The following MAP1B variants were observed in gnomAD, a reference collection of about 807,000 sequenced individuals.
The protein encoded by MAP1B is microtubule associated protein 1B.
MAP1B carries 12 observed loss-of-function variants against 176.1 expected under a neutral mutation model. The ratio of observed to expected loss-of-function variants is 0.07; its 90% confidence interval spans 0.04 to 0.11. The LOEUF (loss-of-function observed/expected upper bound fraction) is 0.11. Ranked by LOEUF, MAP1B falls within the 10% of genes least tolerant of loss-of-function variation. The pLI is 1.00. For missense variants in MAP1B, 2,523 were observed against 2,990.5 expected, an observed-to-expected ratio of 0.84 and a Z score of 3.65; for synonymous variants, 1,044 against 1,135.0, an observed-to-expected ratio of 0.92 and a Z score of 1.61.
rs569139015 is a variant in MAP1B, at chr5:72,157,959, C to T, written c.287-25784C>T. On this transcript the variant is annotated intron_variant, in intron 2 of 6. Coordinates refer to ENST00000296755, the MANE Select transcript of MAP1B (RefSeq NM_005909.5). ...GGTCCAAGCGATTCTCCTGCCTCAG[C>T]CTCCCAAGTAGCTGGGATTACAGGC... Among the ~76,000 whole-genome samples the T allele has an allele frequency of 5.9e-5, 9 of 151,984 alleles. No individual in the cohort carries two copies. The East Asian group carries it at 1.7e-3, about 29-fold the overall frequency.
chr5:72,197,751 G>T lies in MAP1B; in HGVS notation c.4396G>T (p.Ala1466Ser), dbSNP rs1360082564. The change falls in exon 5 of 7, where the codon GCA becomes TCA. Residue 1466 changes from alanine (A) to serine (S), a missense_variant. Coordinates refer to ENST00000296755, the MANE Select transcript of MAP1B (RefSeq NM_005909.5). ...DKQEGKSTDF[A>S]PIKEDFGQEK... ...ACAGGAAGGGAAAAGCACAGACTTT[G>T]CACCAATAAAAGAAGACTTTGGCCA... is the stretch of plus-strand genomic sequence containing the variant. 1 of 1,614,186 alleles carries T rather than the reference G, an allele frequency of 6.2e-7. No individual in the cohort carries two copies.
intron 2 of MAP1B, among the ~76,000 whole-genome samples, chr5:72,163,925 T>TC (rs763426850): frequency 0.15 from 15,157 of 98,230 alleles, 1,996 homozygotes; most frequent in African/African-American, 0.4. Context: ...TCTTTTTTTT[T>TC]TTTTCTTTTT....
At chr5:72,119,183 T>G (rs1431186707) in intron 2 of MAP1B, among the ~76,000 whole-genome samples, 1 of 152,206 alleles carries the variant, frequency 6.6e-6, no homozygotes, top group Non-Finnish European at 1.5e-5. Flanking sequence ...AGTTCTGTGA[T>G]CTTTAAGCTC....
At chr5:72,134,664 A>G (rs866765233) in intron 2 of MAP1B, among the ~76,000 whole-genome samples, 5 of 151,852 alleles carry the variant, frequency 3.3e-5, no homozygotes, top group East Asian at 1.9e-4. Flanking sequence ...GTGGCACTCT[A>G]TCAATTAGTG....
At chr5:72,109,076 A>G (rs1335457790) in intron 1 of MAP1B, among the ~76,000 whole-genome samples, 1 of 152,232 alleles carries the variant, frequency 6.6e-6, no homozygotes, top group African/African-American at 2.4e-5. Context: ...AAGACGAAAG[A>G]AAAACCTTGT....
At chr5:72,120,641 T>A (rs1745511213) in intron 2 of MAP1B, among the ~76,000 whole-genome samples, 1 of 152,000 alleles carries the variant, frequency 6.6e-6, no homozygotes, top group African/African-American at 2.4e-5. Context: ...TTAGCCAGGA[T>A]GGTCTCGATC....
In MAP1B at chr5:72,196,898, A is replaced by G. The variant is rs1747185608; in HGVS notation, c.3543A>G (p.Thr1181=). The change falls in exon 5 of 7, where the codon ACA becomes ACG. Residue 1181 remains threonine, a synonymous_variant. Coordinates refer to ENST00000296755, the MANE Select transcript of MAP1B (RefSeq NM_005909.5). The surrounding 1 kb of genome is among the most constrained non-coding windows in gnomAD (Gnocchi z 5.3). ...SQEYSKPADV[T]PLNGFSEGSK... The stretch of plus-strand genomic sequence containing the variant: ...AATACTCTAAACCTGCTGATGTTAC[A>G]CCGCTCAACGGATTTTCTGAAGGAT... The G allele has an allele frequency of 1.9e-6, 3 of 1,614,198 alleles. No individual in the cohort carries two copies. The highest frequency in any genetic ancestry group is 2.5e-6 in the Non-Finnish European group (3 of 1,180,034).
chr5:72,145,707 C>T (rs190615955), intron 2 of MAP1B, among the ~76,000 whole-genome samples: 2 of 152,270 alleles, frequency 1.3e-5, no homozygotes, highest in Admixed American at 6.5e-5. Flanking sequence ...CCTTAAGGCC[C>T]CATACAATGA....
chr5:72,176,246 C>T (rs964096473), intron 2 of MAP1B, among the ~76,000 whole-genome samples: 2 of 152,194 alleles, frequency 1.3e-5, no homozygotes, highest in African/African-American at 4.8e-5. Flanking sequence ...ATTCAGCAGG[C>T]GTTGGCTGAC....
chr5:72,194,577 C>A lies in MAP1B; in HGVS notation c.1222C>A (p.Pro408Thr), dbSNP rs1200190830. Residue 408 changes from proline to threonine, a missense_variant, in exon 5 of 7, where the codon CCT becomes ACT. By Grantham distance (38) the Pro-to-Thr change is conservative. Coordinates refer to ENST00000296755, the MANE Select transcript of MAP1B (RefSeq NM_005909.5). This position sits in a 1 kb window ranked among gnomAD's most constrained non-coding sequence, Gnocchi z 7.2. ...TAGAAGTGTAGGCAATACTATTGAT[C>A]CTGTCATTCTTTTCCAAAAAATGGG... is the stretch of plus-strand genomic sequence containing the variant. The part of the protein sequence containing the change: ...LFRSVGNTID[P>T]VILFQKMGVG... 3 of 1,613,936 alleles carry A rather than the reference C, an allele frequency of 1.9e-6. No homozygotes were observed. The highest frequency in any genetic ancestry group is 2.5e-6 in the Non-Finnish European group (3 of 1,180,050).
Position 72,203,630 on chromosome 5 carries a change from G to C in MAP1B, c.7080G>C (p.Leu2360=). The C allele has an allele frequency of 6.2e-7, 1 of 1,614,208 alleles. No homozygotes were observed. The highest frequency in any genetic ancestry group is 2.2e-5 in the East Asian group (1 of 44,880). The part of the protein sequence containing the change: ...VPPGLPVYLD[L]CYIPNHSNSK... ...CAGGCCTCCCTGTGTATTTGGACCT[G>C]TGCTACATTCCTAACCACAGCAATA... is the stretch of plus-strand genomic sequence containing the variant. The change falls in exon 6 of 7, where the codon CTG becomes CTC. Residue 2360 remains leucine (L), a synonymous_variant. Coordinates refer to ENST00000296755, the MANE Select transcript of MAP1B (RefSeq NM_005909.5).
At chr5:72,124,429 A>C (rs1160549636) in intron 2 of MAP1B, among the ~76,000 whole-genome samples, 2 of 152,266 alleles carry the variant, frequency 1.3e-5, no homozygotes, top group Non-Finnish European at 2.9e-5. Flanking sequence ...ATGCTTATAG[A>C]AAATGCAACA....
At position 72,120,424 on chromosome 5, in the gene MAP1B, TC is replaced by T. The variant is rs1225171769; in HGVS notation, c.286+4626del. Among the ~76,000 whole-genome samples the T allele has an allele frequency of 6.0e-5, 9 of 149,706 alleles. No individual in the cohort carries two copies. In the East Asian group the frequency reaches 1.8e-3, roughly 30 times the overall value. ...GATCAGTTCCACCTCATAGTTTCTT[TC>T]TTTTTTTTTTTTTTTTTGAGATAGA... On this transcript the variant is annotated intron_variant, in intron 2 of 6. Transcript: ENST00000296755.
At chr5:72,161,956 C>CAAAAAAAAAAAAAAAAAAAAA (rs4043357) in intron 2 of MAP1B, among the ~76,000 whole-genome samples, 1 of 85,022 alleles carries the variant, frequency 1.2e-5, no homozygotes, top group East Asian at 3.1e-4. Flanking sequence ...AATTCCGTCT[C>CAAAAAAAAAAAAAAAAAAAAA]AAAAAAAAAA....
rs116262975 is a variant in MAP1B, at chr5:72,159,985, G to A, written c.287-23758G>A. On this transcript the variant is annotated intron_variant, in intron 2 of 6. Coordinates refer to ENST00000296755, the MANE Select transcript of MAP1B (RefSeq NM_005909.5). ...TCTCTATGCCTTGTCTTCCTCCAGC[G>A]TCTTGTAGAGCTAAAATGTGATGAC... is the stretch of plus-strand genomic sequence containing the variant. Among the ~76,000 whole-genome samples the A allele has an allele frequency of 6.6e-3, 1,003 of 152,264 alleles. 8 individuals carry two copies. Among genetic ancestry groups the A allele is most frequent in the African/African-American group, 0.022 (919 of 41,530 alleles).
chr5:72,200,715 C>T (rs891234517), intron 5 of MAP1B, among the ~76,000 whole-genome samples: 2 of 152,118 alleles, frequency 1.3e-5, no homozygotes, highest in African/African-American at 4.8e-5. Context: ...CCATACTGGC[C>T]TCAGAATCCA....
rs146554740 is a variant in MAP1B at position 72,196,679 on chromosome 5, C to T, written c.3324C>T (p.Asp1108=). The T allele has an allele frequency of 9.1e-4, 1,476 of 1,614,072 alleles. No individual in the cohort carries two copies. Among genetic ancestry groups the T allele is most frequent in the Non-Finnish European group, 1.2e-3 (1,367 of 1,180,018 alleles). Residue 1108 remains aspartate (D), a synonymous_variant, in exon 5 of 7, where the codon GAC becomes GAT. Transcript: ENST00000296755. This position sits in a 1 kb window ranked among gnomAD's most constrained non-coding sequence, Gnocchi z 5.3. Reference sequence around the variant, plus strand: ...CTTCTGATGAGGAGAATCGAGAAGACCAGCCTGAGGAATTCACTGCCACCT... The same window carrying T: ...CTTCTGATGAGGAGAATCGAGAAGATCAGCCTGAGGAATTCACTGCCACCT... ...ATASDEENRE[D]QPEEFTATSG...
In MAP1B at chr5:72,204,286, C is replaced by T. The variant is rs1747395826; in HGVS notation, c.7251+485C>T. 6.6e-6 allele frequency among the ~76,000 whole-genome samples: 1 copy of T among 152,198 alleles called. No homozygotes were observed. The highest frequency in any genetic ancestry group is 6.5e-5 in the Admixed American group (1 of 15,288). The stretch of plus-strand genomic sequence containing the variant: ...GCTGAATATAGTCCCTCACAGGACA[C>T]TCCCAACTCCCAAACATCATGCCTG... On this transcript the variant is annotated intron_variant, in intron 6 of 6. Transcript: ENST00000296755. The surrounding 1 kb of genome is among the most constrained non-coding windows in gnomAD (Gnocchi z 4.4).
intron 2 of MAP1B, among the ~76,000 whole-genome samples, chr5:72,163,095 G>A (rs1218624548): frequency 6.6e-6 from 1 of 152,000 alleles, no homozygotes; most frequent in Non-Finnish European, 1.5e-5. Flanking sequence ...GGGCATGGTG[G>A]TGCGTGCCTA....
Sources: gnomAD v4.1 joint callset for allele counts (sites outside exome capture counted in the v4.1 genomes callset) on GRCh38, gnomAD v4.1.1 for gene constraint, Gnocchi (gnomAD v3.1) non-coding constraint, MANE v1.5 for transcripts, NCBI Gene and HGNC (gene_info 2026-07-23, HGNC 2026-07-21) for gene names.